Variants in SH3PXD2B observed in about 807,000 individuals in gnomAD.
The protein encoded by SH3PXD2B is SH3 and PX domains 2B.
A neutral mutation model predicts 73.1 loss-of-function variants in SH3PXD2B; 37 were observed. The observed-to-expected ratio is 0.51, with a 90% CI of 0.39 to 0.67. SH3PXD2B has a LOEUF of 0.67. Among genes scored for constraint, SH3PXD2B ranks in the 30% least tolerant of loss-of-function variants. SH3PXD2B has a pLI of 0.00. For missense variants in SH3PXD2B, 1,053 were observed against 1,197.8 expected, an observed-to-expected ratio of 0.88 and a Z score of 1.78; for synonymous variants, 457 against 480.5, an observed-to-expected ratio of 0.95 and a Z score of 0.64.
intron 1 of SH3PXD2B, 84 bp downstream of exon 1, chr5:172,454,194 G>A: frequency 1.7e-6 from 2 of 1,208,020 alleles, no homozygotes; most frequent in Non-Finnish European, 2.3e-6. Flanking sequence ...AGCGCTGGAG[G>A]CAGAAGTTTT....
At chr5:172,450,576 C>A (rs1487402311) in intron 1 of SH3PXD2B, among the ~76,000 whole-genome samples, 1 of 152,102 alleles carries the variant, frequency 6.6e-6, no homozygotes, top group African/African-American at 2.4e-5. Context: ...CACTGTTATT[C>A]TTGCTGCCAT....
chr5:172,353,854 C>T lies in SH3PXD2B; in HGVS notation c.785+34G>A. The T allele has an allele frequency of 6.3e-7, 1 of 1,589,654 alleles. No homozygotes were observed. Among genetic ancestry groups the T allele is most frequent in the East Asian group, 2.2e-5 (1 of 44,750 alleles). ...AAACCCACCCAGCGTGACCCCAAAC[C>T]CACCCAGCAACCGTGGGGGGCAGCG... On this transcript the variant is annotated intron_variant, in intron 9 of 12. Coordinates refer to ENST00000311601, the MANE Select transcript of SH3PXD2B (RefSeq NM_001017995.3). The surrounding 1 kb of genome is among the most constrained non-coding windows in gnomAD (Gnocchi z 4.3).
In SH3PXD2B at chr5:172,335,730, T is replaced by G; in HGVS notation, c.*2639A>C. The G allele has an allele frequency of 8.1e-7, 1 of 1,231,316 alleles. No individual in the cohort carries two copies. Among genetic ancestry groups the G allele is most frequent in the African/African-American group, 1.6e-5 (1 of 64,506 alleles). The allele number at this position is 1,231,316 out of a possible 1,614,324, so 76.3% of individuals were successfully genotyped here. On this transcript the variant is annotated 3_prime_UTR_variant, in exon 13 of 13. Coordinates refer to ENST00000311601, the MANE Select transcript of SH3PXD2B (RefSeq NM_001017995.3). Reference sequence around the variant, plus strand: ...ACCACAGTCCTGGATGGGGTAAATCTAAGTCCCCAGGCAAGGACAGCTAGG... The same window carrying G: ...ACCACAGTCCTGGATGGGGTAAATCGAAGTCCCCAGGCAAGGACAGCTAGG...
chr5:172,350,776 T>C (rs1175684904), intron 9 of SH3PXD2B, among the ~76,000 whole-genome samples, 187 bp from the exon 10 acceptor site: 1 of 152,162 alleles, frequency 6.6e-6, no homozygotes, highest in Non-Finnish European at 1.5e-5. Context: ...AGCTTGGTAT[T>C]TTCAAGGCCT....
At chr5:172,348,715 T>C (rs544563354) in intron 10 of SH3PXD2B, among the ~76,000 whole-genome samples, 1,988 of 142,530 alleles carry the variant, frequency 0.014, 46 homozygotes, top group African/African-American at 0.05. Context: ...ATCTATTTAT[T>C]TATTTTTGAG....
At chr5:172,369,849 T>C (rs1757663871) in intron 6 of SH3PXD2B, among the ~76,000 whole-genome samples, 1 of 128,892 alleles carries the variant, frequency 7.8e-6, no homozygotes, top group Non-Finnish European at 1.6e-5. Context: ...TCAGGGAGCA[T>C]TCAAATGCCT....
At chr5:172,361,207 A>C (rs1757397595) in intron 7 of SH3PXD2B, among the ~76,000 whole-genome samples, 1 of 152,166 alleles carries the variant, frequency 6.6e-6, no homozygotes, top group African/African-American at 2.4e-5. Flanking sequence ...ACACACACGC[A>C]CACATACACA....
chr5:172,337,231 G>A lies in SH3PXD2B; in HGVS notation c.*1138C>T, dbSNP rs1411042808. On this transcript the variant is annotated 3_prime_UTR_variant, in exon 13 of 13. Coordinates refer to ENST00000311601, the MANE Select transcript of SH3PXD2B (RefSeq NM_001017995.3). Reference sequence around the variant, plus strand: ...GGATGGTGGGTGTGGGAGCAGCCACGAATGCCCCCTCACCCCCCTCACAAT... The same window carrying A: ...GGATGGTGGGTGTGGGAGCAGCCACAAATGCCCCCTCACCCCCCTCACAAT... The A allele has an allele frequency of 2.0e-6, 2 of 985,510 alleles. No homozygotes were observed. The highest frequency in any genetic ancestry group is 1.7e-5 in the African/African-American group (1 of 57,242). 61.0% of individuals were successfully genotyped at this position (985,510 alleles called of 1,614,324 possible). A position where few individuals can be genotyped will look rare whatever the true frequency, so the allele number is the denominator to read the frequency against.
At chr5:172,389,805 A>G (rs892316899) in intron 4 of SH3PXD2B, among the ~76,000 whole-genome samples, 3 of 152,188 alleles carry the variant, frequency 2.0e-5, no homozygotes, top group Non-Finnish European at 2.9e-5. Flanking sequence ...GCAGATGCCA[A>G]TCAGGAGAGG....
At position 172,336,816 on chromosome 5, in the gene SH3PXD2B, G is replaced by A; in HGVS notation, c.*1553C>T. 4.1e-6 allele frequency: 4 copies of A among 985,626 alleles called. No individual in the cohort carries two copies. Among genetic ancestry groups the A allele is most frequent in the Non-Finnish European group, 4.8e-6 (4 of 830,106 alleles). The allele number at this position is 985,626 out of a possible 1,614,324, so 61.1% of individuals were successfully genotyped here. On this transcript the variant is annotated 3_prime_UTR_variant, in exon 13 of 13. Transcript: ENST00000311601. ...AATGCTGGGTCCTGATTTTGCTTCTGCAGTGATTTAGTCATGCCTCTCCAG... is the reference window on the plus strand; with the variant it reads ...AATGCTGGGTCCTGATTTTGCTTCTACAGTGATTTAGTCATGCCTCTCCAG...
intron 3 of SH3PXD2B, among the ~76,000 whole-genome samples, chr5:172,404,856 C>A (rs1048074080): frequency 6.6e-6 from 1 of 152,186 alleles, no homozygotes; most frequent in East Asian, 1.9e-4. Context: ...TTGTCTGACT[C>A]CAGGCACAAA....
Position 172,338,230 on chromosome 5 carries a change from A to G in SH3PXD2B, c.*139T>C. Reference sequence around the variant, plus strand: ...GGTGTCCGAAACTCACTCTCCACCCATGGGAGGCAAGAAGTCACAGTACCC... The same window carrying G: ...GGTGTCCGAAACTCACTCTCCACCCGTGGGAGGCAAGAAGTCACAGTACCC... On this transcript the variant is annotated 3_prime_UTR_variant, in exon 13 of 13. Coordinates refer to ENST00000311601, the MANE Select transcript of SH3PXD2B (RefSeq NM_001017995.3). This position sits in a 1 kb window ranked among gnomAD's most constrained non-coding sequence, Gnocchi z 5.1. 6.4e-7 allele frequency: 1 copy of G among 1,554,622 alleles called. No homozygotes were observed. The highest frequency in any genetic ancestry group is 8.7e-7 in the Non-Finnish European group (1 of 1,151,546).
At chr5:172,434,750 T>C (rs1759327004) in intron 1 of SH3PXD2B, among the ~76,000 whole-genome samples, 1 of 151,498 alleles carries the variant, frequency 6.6e-6, no homozygotes, top group Admixed American at 6.6e-5. Context: ...ACAAAGTTAT[T>C]ACATTTTGGT....
At chr5:172,348,675 C>CT (rs1185400755) in intron 10 of SH3PXD2B, among the ~76,000 whole-genome samples, 3 of 56,672 alleles carry the variant, frequency 5.3e-5, no homozygotes, top group Non-Finnish European at 7.4e-5. Flanking sequence ...ATCTATCTAT[C>CT]TATCTATCTA....
chr5:172,397,171 T>C (rs1413852715), intron 3 of SH3PXD2B, among the ~76,000 whole-genome samples: 1 of 152,138 alleles, frequency 6.6e-6, no homozygotes, highest in African/African-American at 2.4e-5. Flanking sequence ...TGGGAACGTC[T>C]GTCTTTTATG....
chr5:172,377,538 T>C (rs1463109126), intron 5 of SH3PXD2B, among the ~76,000 whole-genome samples: 4 of 152,070 alleles, frequency 2.6e-5, no homozygotes, highest in Non-Finnish European at 5.9e-5. Flanking sequence ...ACACCATCCT[T>C]TATGGGCAGG....
At chr5:172,447,612 G>C (rs970934147) in intron 1 of SH3PXD2B, among the ~76,000 whole-genome samples, 2 of 152,180 alleles carry the variant, frequency 1.3e-5, no homozygotes, top group African/African-American at 4.8e-5. Context: ...AGGCACAGAG[G>C]CTTGTCTGAG....
At chr5:172,348,711 T>TATCTATCC in intron 10 of SH3PXD2B, among the ~76,000 whole-genome samples, 1 of 37,006 alleles carries the variant, frequency 2.7e-5, no homozygotes, top group African/African-American at 5.9e-5. Flanking sequence ...ATCTATCTAT[T>TATCTATCC]TATTTATTTT....
Position 172,339,779 on chromosome 5 carries a change from G to C in SH3PXD2B, c.1326C>G (p.His442Gln), listed in dbSNP as rs201324424. 1 of 1,613,248 alleles carries C rather than the reference G, an allele frequency of 6.2e-7. No homozygotes were observed. The highest frequency in any genetic ancestry group is 1.1e-5 in the South Asian group (1 of 91,078). Reference protein sequence around the residue: ...SRPNFLAPLPHEVTQLRLGEA... With the variant: ...SRPNFLAPLPQEVTQLRLGEA... ...CCCCCAGCCGGAGCTGGGTCACCTC[G>C]TGGGGCAGGGGAGCCAGAAAGTTGG... The change falls in exon 13 of 13, where the codon CAC becomes CAG. Residue 442 changes from histidine (H) to glutamine (Q), a missense_variant. Coordinates refer to ENST00000311601, the MANE Select transcript of SH3PXD2B (RefSeq NM_001017995.3). The surrounding 1 kb of genome is among the most constrained non-coding windows in gnomAD (Gnocchi z 6.1).
Sources: allele counts gnomAD v4.1 joint callset (sites outside exome capture counted in the v4.1 genomes callset), GRCh38; gene constraint gnomAD v4.1.1; non-coding constraint Gnocchi (gnomAD v3.1); transcripts MANE v1.5; gene names NCBI Gene and HGNC (gene_info 2026-07-23, HGNC 2026-07-21).